Variants in NELL1 observed in about 807,000 individuals in gnomAD.
NELL1 encodes protein kinase C-binding protein NELL1.
A neutral mutation model predicts 107.4 loss-of-function variants in NELL1; 76 were observed. That is an observed-to-expected ratio of 0.71 (90% CI 0.59 to 0.86). The LOEUF is 0.86. NELL1 is among the 40% of genes least tolerant of loss of function. The probability of loss-of-function intolerance (pLI) is 0.00; values close to 1 mark genes in which losing one functional copy is unlikely to be tolerated. For synonymous variants in NELL1, 353 were observed against 341.2 expected (o/e 1.03, Z -0.38); for missense variants, 1,024 against 1,005.5 (o/e 1.02, Z -0.25).
At chr11:21,444,875 T>C (rs1853380351) in intron 15 of NELL1, among the ~76,000 whole-genome samples, 1 of 152,188 alleles carries the variant, frequency 6.6e-6, no homozygotes, top group South Asian at 2.1e-4. Flanking sequence ...CCTTTTAGTG[T>C]ATGTGATTTT....
At chr11:20,755,774 T>C (rs1856264447) in intron 2 of NELL1, among the ~76,000 whole-genome samples, 1 of 151,510 alleles carries the variant, frequency 6.6e-6, no homozygotes. Flanking sequence ...CAGGCTGGTA[T>C]TGAACTCCTG....
chr11:21,018,424 G>A (rs1565017469), intron 12 of NELL1, among the ~76,000 whole-genome samples: 1 of 152,014 alleles, frequency 6.6e-6, no homozygotes, highest in Non-Finnish European at 1.5e-5. Context: ...TTGGCCAGTG[G>A]GCACGAAGAG....
chr11:21,135,413 A>G (rs1207047658), intron 13 of NELL1, among the ~76,000 whole-genome samples: 1 of 152,216 alleles, frequency 6.6e-6, no homozygotes, highest in African/African-American at 2.4e-5. Context: ...ACTGAGGAAG[A>G]TGATTCAGGA....
intron 12 of NELL1, among the ~76,000 whole-genome samples, chr11:21,112,060 C>T (rs1016675567): frequency 1.3e-5 from 2 of 152,064 alleles, no homozygotes; most frequent in African/African-American, 4.8e-5. Context: ...TCCTTGCCTT[C>T]ATCAGGATTC....
chr11:21,347,381 T>C (rs1216057171), intron 14 of NELL1, among the ~76,000 whole-genome samples: 1 of 152,148 alleles, frequency 6.6e-6, no homozygotes, highest in Non-Finnish European at 1.5e-5. Flanking sequence ...GGTAGGTGGA[T>C]CACCTGAGGT....
At chr11:21,170,570 G>A (rs544043603) in intron 13 of NELL1, among the ~76,000 whole-genome samples, 1 of 151,462 alleles carries the variant, frequency 6.6e-6, no homozygotes, top group South Asian at 2.1e-4. Flanking sequence ...ATGCACTTTT[G>A]TAAGCTTCCT....
chr11:20,699,405 G>A (rs997677660), intron 2 of NELL1, among the ~76,000 whole-genome samples: 1 of 151,626 alleles, frequency 6.6e-6, no homozygotes, highest in Non-Finnish European at 1.5e-5. Context: ...CTGTCACTCA[G>A]GCTGGAGTGC....
At chr11:21,300,219 G>A (rs921811394) in intron 14 of NELL1, among the ~76,000 whole-genome samples, 2 of 151,998 alleles carry the variant, frequency 1.3e-5, no homozygotes, top group Admixed American at 6.6e-5. Context: ...TGATGCCAGG[G>A]AGACATGTGA....
chr11:21,392,533 G>A (rs574159898), intron 15 of NELL1, among the ~76,000 whole-genome samples: 9 of 151,772 alleles, frequency 5.9e-5, no homozygotes, highest in East Asian at 2.0e-4. Flanking sequence ...GTATTATCTC[G>A]TTAGAGTTTG....
chr11:21,059,824 T>C (rs182506892), intron 12 of NELL1, among the ~76,000 whole-genome samples: 71 of 152,258 alleles, frequency 4.7e-4, no homozygotes, highest in Admixed American at 1.8e-3. Flanking sequence ...TGGAGCTATG[T>C]CCTTAAATTA....
At chr11:21,384,462 A>ATTT (rs1851689549) in intron 15 of NELL1, among the ~76,000 whole-genome samples, 1 of 150,554 alleles carries the variant, frequency 6.6e-6, no homozygotes, top group Non-Finnish European at 1.5e-5. Context: ...ATTTATTATT[A>ATTT]TACTTTAAGT....
intron 14 of NELL1, among the ~76,000 whole-genome samples, chr11:21,255,004 A>G (rs1478834437): frequency 6.6e-6 from 1 of 152,086 alleles, no homozygotes; most frequent in Non-Finnish European, 1.5e-5. Context: ...AATGACAGAC[A>G]TGCTGGGCTA....
intron 12 of NELL1, among the ~76,000 whole-genome samples, chr11:20,969,255 A>G (rs1363031906): frequency 1.3e-5 from 2 of 151,906 alleles, no homozygotes; most frequent in African/African-American, 2.4e-5. Context: ...AATATTCCTT[A>G]TGTCTCAAGG....
chr11:20,924,784 CTG>C (rs1381696254), intron 7 of NELL1, among the ~76,000 whole-genome samples: 2 of 152,132 alleles, frequency 1.3e-5, no homozygotes, highest in Non-Finnish European at 2.9e-5. Flanking sequence ...GGTCATATAT[CTG>C]TTACTGCCTT....
At chr11:21,321,848 A>G (rs1471891861) in intron 14 of NELL1, among the ~76,000 whole-genome samples, 1 of 152,238 alleles carries the variant, frequency 6.6e-6, no homozygotes, top group Non-Finnish European at 1.5e-5. Context: ...CAAAGTGGGC[A>G]GGGCTCTGCC....
At chr11:21,560,081 A>G in intron 16 of NELL1, 108 bp from the exon 17 acceptor site, 1 of 1,040,934 alleles carries the variant, frequency 9.6e-7, no homozygotes, top group Non-Finnish European at 1.5e-6. Context: ...AGTACCTAGC[A>G]CAAGGTAAAT....
At position 21,145,187 on chromosome 11, in the gene NELL1, A is replaced by G. The variant is rs536279535; in HGVS notation, c.1426+31473A>G. On this transcript the variant is annotated intron_variant, in intron 13 of 19. Transcript: ENST00000357134. ...GCACACAAGGCAGTGTTTCGTATAG[A>G]ATATCTAATTTAATTGTCATAACAA... Among the ~76,000 whole-genome samples, 17 of 152,276 alleles carry G rather than the reference A, an allele frequency of 1.1e-4. No individual in the cohort carries two copies. The East Asian group carries it at 3.3e-3, about 29-fold the overall frequency.
At chr11:21,044,489 G>A (rs1853310038) in intron 12 of NELL1, among the ~76,000 whole-genome samples, 1 of 152,126 alleles carries the variant, frequency 6.6e-6, no homozygotes, top group Non-Finnish European at 1.5e-5. Context: ...GGGGACAAAT[G>A]GAAATTTGTT....
intron 2 of NELL1, among the ~76,000 whole-genome samples, chr11:20,782,981 C>A (rs377662752): frequency 6.6e-6 from 1 of 152,164 alleles, no homozygotes; most frequent in African/African-American, 2.4e-5. Flanking sequence ...CCTGCTGAAT[C>A]GGCCTCAACT....
Sources: gnomAD v4.1 joint callset for allele counts (sites outside exome capture counted in the v4.1 genomes callset) on GRCh38, gnomAD v4.1.1 for gene constraint, MANE v1.5 for transcripts, NCBI Gene and HGNC (gene_info 2026-07-23, HGNC 2026-07-21) for gene names.